FAM240C: variants seen among roughly 807,000 people sequenced by gnomAD.
FAM240C encodes protein FAM240C.
In FAM240C, 14 loss-of-function variants were observed where a neutral mutation model predicts 10.0. The ratio of observed to expected loss-of-function variants is 1.40; its 90% CI spans 0.92 to 2.19. The LOEUF is 2.19. Ranked by LOEUF, FAM240C falls within the 30% of genes most tolerant of loss-of-function variation. The probability of loss-of-function intolerance (pLI) is 0.00; values close to 1 mark genes in which losing one functional copy is unlikely to be tolerated. For synonymous variants in FAM240C, 49 were observed against 44.3 expected, an observed-to-expected ratio of 1.11 and a Z score of -0.42; for missense variants, 154 against 122.3, an observed-to-expected ratio of 1.26 and a Z score of -1.22.
chr2:241,894,582 G>T lies in FAM240C; in HGVS notation c.162-243C>A, dbSNP rs994698415. The stretch of plus-strand genomic sequence containing the variant: ...GCTGACCAGTGGTTGGTGGGGGGGG[G>T]GGGGGGCGTCTCACTCAGGACCCTC... On this transcript the variant is annotated intron_variant, in intron 2 of 2. Transcript: ENST00000404031. Among the ~76,000 whole-genome samples, 22 of 145,998 alleles carry T rather than the reference G, an allele frequency of 1.5e-4. 1 individual carries two copies. The highest frequency in any genetic ancestry group is 2.0e-4 in the Non-Finnish European group (13 of 64,718).
At chr2:241,901,750 T>C (rs897960286), upstream of FAM240C, among the ~76,000 whole-genome samples, 6 of 152,354 alleles carry the variant, frequency 3.9e-5, no homozygotes, top group Middle Eastern at 3.4e-3. This position sits in a 1 kb window ranked among gnomAD's most constrained non-coding sequence, Gnocchi z 4.9. Flanking sequence ...GGAAGCCACC[T>C]AAAAACGGAA....
chr2:241,895,475 C>A (rs1471451108), intron 2 of FAM240C, among the ~76,000 whole-genome samples: 3 of 152,346 alleles, frequency 2.0e-5, no homozygotes, highest in Non-Finnish European at 4.4e-5. Flanking sequence ...CCCACATGGG[C>A]CAGCTCCTCT....
At chr2:241,895,694 A>G (rs1049095676) in intron 2 of FAM240C, among the ~76,000 whole-genome samples, 6 of 152,124 alleles carry the variant, frequency 3.9e-5, no homozygotes, top group Non-Finnish European at 8.8e-5. Context: ...GTGCAAATGG[A>G]GGCTCTGCCA....
intron 1 of FAM240C, chr2:241,899,302 G>A (rs1373756313): frequency 1.0e-6 from 1 of 985,332 alleles, no homozygotes; most frequent in African/African-American, 1.7e-5. Context: ...CTGGGGAGCT[G>A]CCCCTGGAGG....
chr2:241,896,491 G>A lies in FAM240C; in HGVS notation c.161+695C>T, dbSNP rs1437981369. On this transcript the variant is annotated intron_variant, in intron 2 of 2. Transcript: ENST00000404031. ...TGTCAGGGAGATGGCGGGGGAAGGG[G>A]GTGTGGGTGAAGGGGGTGTGGGTGT... is the stretch of plus-strand genomic sequence containing the variant. Among the ~76,000 whole-genome samples, 95 of 102,966 alleles carry A rather than the reference G, an allele frequency of 9.2e-4. 4 individuals carry two copies. The highest frequency in any genetic ancestry group is 1.5e-3 in the Non-Finnish European group (63 of 42,712). 67.5% of individuals were successfully genotyped at this position (102,966 alleles called of 152,430 possible).
chr2:241,895,551 C>T (rs1319398934), intron 2 of FAM240C, among the ~76,000 whole-genome samples: 1 of 152,262 alleles, frequency 6.6e-6, no homozygotes, highest in African/African-American at 2.4e-5. Context: ...ACCCTCTCAG[C>T]TCTCTGGGCT....
intron 1 of FAM240C, among the ~76,000 whole-genome samples, chr2:241,897,929 C>T (rs1701892604): frequency 6.6e-6 from 1 of 152,248 alleles, no homozygotes; most frequent in South Asian, 2.1e-4. Context: ...GAGATTGGGT[C>T]TCACTATGTT....
upstream of FAM240C, among the ~76,000 whole-genome samples, chr2:241,901,333 G>A (rs763821720): frequency 4.5e-4 from 69 of 152,350 alleles, no homozygotes; most frequent in Non-Finnish European, 7.2e-4. The surrounding 1 kb of genome is among the most constrained non-coding windows in gnomAD (Gnocchi z 4.9). Flanking sequence ...GCCAGCCTCC[G>A]TGATCTCGTT....
intron 2 of FAM240C, 125 bp downstream of exon 2, chr2:241,897,061 A>C: frequency 3.0e-6 from 3 of 1,010,020 alleles, no homozygotes; most frequent in Non-Finnish European, 4.3e-6. Flanking sequence ...CCTGGAGCTG[A>C]GGGGTTTCAT....
chr2:241,901,953 G>C (rs1288204542), upstream of FAM240C, among the ~76,000 whole-genome samples: 2 of 152,198 alleles, frequency 1.3e-5, no homozygotes, highest in Non-Finnish European at 1.5e-5. This position sits in a 1 kb window ranked among gnomAD's most constrained non-coding sequence, Gnocchi z 4.9. Flanking sequence ...TCCTTCTGAC[G>C]TGTGTGCGGA....
chr2:241,899,393 T>A, intron 1 of FAM240C: 1 of 955,988 alleles, frequency 1.0e-6, no homozygotes, highest in South Asian at 4.8e-5. Context: ...GGGACTGAAC[T>A]CAGCCACGCC....
rs556146503 is a variant in FAM240C, at chr2:241,899,420, G to A, written c.12+938C>T. 28 of 823,958 alleles carry A rather than the reference G, an allele frequency of 3.4e-5. No individual in the cohort carries two copies. In the South Asian group the frequency reaches 9.4e-4, roughly 28 times the overall value. The allele number at this position is 823,958 out of a possible 1,614,324, so 51.0% of individuals were successfully genotyped here. On this transcript the variant is annotated intron_variant, in intron 1 of 2. Transcript: ENST00000404031. Reference sequence around the variant, plus strand: ...AGCCACGCCTGCCTGTGCTGAGGACGCTGGCGCGAATTCAGTGAGTGAAAA... The same window carrying A: ...AGCCACGCCTGCCTGTGCTGAGGACACTGGCGCGAATTCAGTGAGTGAAAA...
intron 2 of FAM240C, among the ~76,000 whole-genome samples, chr2:241,895,490 C>T (rs184437845): frequency 1.2e-4 from 18 of 152,352 alleles, no homozygotes; most frequent in East Asian, 3.9e-4. Context: ...TCCTCTCTCA[C>T]GGCGGCTTCC....
chr2:241,901,246 C>T (rs934978235), upstream of FAM240C, among the ~76,000 whole-genome samples: 2 of 152,188 alleles, frequency 1.3e-5, no homozygotes, highest in African/African-American at 2.4e-5. This position sits in a 1 kb window ranked among gnomAD's most constrained non-coding sequence, Gnocchi z 4.9. Flanking sequence ...AGCCCCCAGG[C>T]TTTGTCCTGG....
At chr2:241,898,599 G>C (rs1212357335) in intron 1 of FAM240C, among the ~76,000 whole-genome samples, 2 of 111,638 alleles carry the variant, frequency 1.8e-5, no homozygotes, top group East Asian at 3.4e-4. Context: ...CAAAGGGAAA[G>C]TGTCGACAGC....
At chr2:241,899,473 C>T (rs893627052) in intron 1 of FAM240C, 8 of 409,026 alleles carry the variant, frequency 2.0e-5, no homozygotes, top group South Asian at 1.0e-4. Flanking sequence ...GTGGGATGCA[C>T]GGAACCCACC....
chr2:241,894,947 A>T (rs1701757578), intron 2 of FAM240C, among the ~76,000 whole-genome samples: 1 of 152,182 alleles, frequency 6.6e-6, no homozygotes, highest in Non-Finnish European at 1.5e-5. Flanking sequence ...GCCTGGTCAG[A>T]GTGGTCCAGG....
At chr2:241,895,529 C>T (rs530724667) in intron 2 of FAM240C, among the ~76,000 whole-genome samples, 1 of 152,370 alleles carries the variant, frequency 6.6e-6, no homozygotes, top group East Asian at 1.9e-4. Context: ...TGGGCTCACA[C>T]CAGCACACGG....
chr2:241,902,042 G>A (rs937126268), upstream of FAM240C, among the ~76,000 whole-genome samples: 1 of 152,234 alleles, frequency 6.6e-6, no homozygotes, highest in African/African-American at 2.4e-5. The surrounding 1 kb of genome is among the most constrained non-coding windows in gnomAD (Gnocchi z 7.1). Context: ...ATCTCCCCGT[G>A]TTTCGGAGTT....
Sources: gnomAD v4.1 joint callset for allele counts (sites outside exome capture counted in the v4.1 genomes callset) on GRCh38, gnomAD v4.1.1 for gene constraint, Gnocchi (gnomAD v3.1) non-coding constraint, MANE v1.5 for transcripts, NCBI Gene and HGNC (gene_info 2026-07-23, HGNC 2026-07-21) for gene names.